The following SPSB1 variants were observed in gnomAD, a reference collection of about 807,000 sequenced individuals.
SPSB1 encodes splA/ryanodine receptor domain and SOCS box containing 1, also known as SPRY domain-containing SOCS box protein 1.
A neutral mutation model predicts 21.2 loss-of-function variants in SPSB1; 8 were observed. The observed-to-expected ratio is 0.38, with a 90% CI of 0.22 to 0.68. The LOEUF is 0.68. Among genes scored for constraint, SPSB1 ranks in the 30% least tolerant of loss-of-function variants. The pLI, the probability that SPSB1 is intolerant of heterozygous loss-of-function variation, is 0.53. For missense variants in SPSB1, 242 were observed against 377.8 expected (o/e 0.64, Z 2.98); for synonymous variants, 169 against 161.7 (o/e 1.05, Z -0.34).
At chr1:9,315,766 A>G (rs1306062720) in intron 1 of SPSB1, among the ~76,000 whole-genome samples, 2 of 152,216 alleles carry the variant, frequency 1.3e-5, no homozygotes, top group Non-Finnish European at 2.9e-5. Context: ...GAGGGACCGC[A>G]CTGCTCACAA....
chr1:9,320,652 C>T (rs930981118), intron 1 of SPSB1, among the ~76,000 whole-genome samples: 2 of 152,226 alleles, frequency 1.3e-5, no homozygotes, highest in Non-Finnish European at 2.9e-5. Flanking sequence ...TGCCCCAAAT[C>T]TCTGATCATT....
At chr1:9,339,768 C>G (rs1289141073) in intron 1 of SPSB1, among the ~76,000 whole-genome samples, 2 of 152,132 alleles carry the variant, frequency 1.3e-5, no homozygotes, top group African/African-American at 4.8e-5. Flanking sequence ...AGGGTCTGGG[C>G]AAGGGGATCG....
intron 1 of SPSB1, among the ~76,000 whole-genome samples, chr1:9,354,488 A>G (rs1253934414): frequency 3.3e-5 from 5 of 152,046 alleles, no homozygotes; most frequent in Admixed American, 2.6e-4. Flanking sequence ...GATGGCAGAA[A>G]GAAACTTCTC....
chr1:9,359,705 G>GA (rs70979734), intron 2 of SPSB1, among the ~76,000 whole-genome samples: 7,551 of 131,116 alleles, frequency 0.058, 372 homozygotes, highest in South Asian at 0.12. Flanking sequence ...CCGTCTCTGG[G>GA]AAAAAAAAAA....
chr1:9,367,380 T>C lies in SPSB1; in HGVS notation c.695-68T>C, dbSNP rs1640591238. On this transcript the variant is annotated intron_variant, in intron 2 of 2. Coordinates refer to ENST00000328089, the MANE Select transcript of SPSB1 (RefSeq NM_025106.4). The surrounding 1 kb of genome is among the most constrained non-coding windows in gnomAD (Gnocchi z 5.9). ...TACTAATCAGTGATAATATTGCTGC[T>C]GTGGTTAGCGCTGTTTGCTGAACAC... 4.4e-6 allele frequency: 7 copies of C among 1,608,802 alleles called. No individual in the cohort carries two copies. The highest frequency in any genetic ancestry group is 5.9e-6 in the Non-Finnish European group (7 of 1,178,184).
intron 1 of SPSB1, among the ~76,000 whole-genome samples, chr1:9,303,655 C>T (rs1289410387): frequency 6.6e-6 from 1 of 152,148 alleles, no homozygotes; most frequent in Non-Finnish European, 1.5e-5. Flanking sequence ...AGGACTGTAC[C>T]TCCTCTCTGG....
In SPSB1 at chr1:9,323,143, C is replaced by T. The variant is rs150470875; in HGVS notation, c.-150+30072C>T. ...TGCAGCCACCTGCCGGACATTCCTT[C>T]CTGCTGCCATGTTGGAGGGGGGTAT... On this transcript the variant is annotated intron_variant, in intron 1 of 2. Transcript: ENST00000328089. Among the ~76,000 whole-genome samples the T allele has an allele frequency of 5.8e-3, 878 of 152,362 alleles. 8 individuals carry two copies. Among genetic ancestry groups the T allele is most frequent in the African/African-American group, 0.02 (839 of 41,586 alleles).
chr1:9,325,713 T>C (rs1341713242), intron 1 of SPSB1, among the ~76,000 whole-genome samples: 2 of 152,012 alleles, frequency 1.3e-5, no homozygotes, highest in African/African-American at 4.8e-5. Context: ...TGAACGTCAT[T>C]GTGAAGTTCC....
chr1:9,302,354 C>A (rs1639343428), intron 1 of SPSB1, among the ~76,000 whole-genome samples: 1 of 152,166 alleles, frequency 6.6e-6, no homozygotes, highest in African/African-American at 2.4e-5. Flanking sequence ...CAGGGAAGCC[C>A]AGTGGTTTGA....
Position 9,346,091 on chromosome 1 carries a change from G to A in SPSB1, c.-149-9652G>A, listed in dbSNP as rs1011542448. On this transcript the variant is annotated intron_variant, in intron 1 of 2. Coordinates refer to ENST00000328089, the MANE Select transcript of SPSB1 (RefSeq NM_025106.4). The surrounding 1 kb of genome is among the most constrained non-coding windows in gnomAD (Gnocchi z 4.4). ...AGTGAGCGGGCAGAGCCCAGGCAGC[G>A]GCTGAGCCAGGCTGCAGAGATTGAT... 6.6e-6 allele frequency among the ~76,000 whole-genome samples: 1 copy of A among 152,212 alleles called. No individual in the cohort carries two copies. The highest frequency in any genetic ancestry group is 6.5e-5 in the Admixed American group (1 of 15,284).
At position 9,313,274 on chromosome 1, in the gene SPSB1, C is replaced by T. The variant is rs532849752; in HGVS notation, c.-150+20203C>T. 2.0e-5 allele frequency among the ~76,000 whole-genome samples: 3 copies of T among 152,230 alleles called. No homozygotes were observed. In the South Asian group the frequency reaches 6.2e-4, roughly 32 times the overall value. The stretch of plus-strand genomic sequence containing the variant: ...AAGTAGCCAGACGTGGTGCCGGGCA[C>T]CTATAATCCCAGCTACTTGGGAGGC... On this transcript the variant is annotated intron_variant, in intron 1 of 2. Transcript: ENST00000328089.
At chr1:9,335,865 G>A (rs1385164810) in intron 1 of SPSB1, among the ~76,000 whole-genome samples, 3 of 138,878 alleles carry the variant, frequency 2.2e-5, no homozygotes, top group Admixed American at 7.3e-5. Flanking sequence ...GTGGCTGGAC[G>A]ATGATCTTTG....
chr1:9,293,445 C>A lies in SPSB1; in HGVS notation c.-150+374C>A, dbSNP rs1213374609. On this transcript the variant is annotated intron_variant, in intron 1 of 2. Transcript: ENST00000328089. This position sits in a 1 kb window ranked among gnomAD's most constrained non-coding sequence, Gnocchi z 5.1. ...GGGCGCTCCGGGGCCGCCGACCCGT[C>A]CCCCCTTTAGCCCGGGGAAAGCGGG... 6.6e-6 allele frequency among the ~76,000 whole-genome samples: 1 copy of A among 151,588 alleles called. No homozygotes were observed. Among genetic ancestry groups the A allele is most frequent in the Non-Finnish European group, 1.5e-5 (1 of 67,792 alleles).
chr1:9,360,920 G>T (rs1640460988), intron 2 of SPSB1, among the ~76,000 whole-genome samples: 1 of 152,202 alleles, frequency 6.6e-6, no homozygotes, highest in South Asian at 2.1e-4. Context: ...GCTGCCACCT[G>T]TGGGGGGTGA....
At chr1:9,335,411 A>C (rs1639988965) in intron 1 of SPSB1, among the ~76,000 whole-genome samples, 1 of 151,948 alleles carries the variant, frequency 6.6e-6, no homozygotes, top group Non-Finnish European at 1.5e-5. Flanking sequence ...CTTAGACAGG[A>C]GAATCACTTG....
At chr1:9,298,365 C>A (rs1041179777) in intron 1 of SPSB1, among the ~76,000 whole-genome samples, 3 of 151,526 alleles carry the variant, frequency 2.0e-5, no homozygotes, top group Non-Finnish European at 4.4e-5. Flanking sequence ...CACAACTAAG[C>A]CCCCATGAAT....
chr1:9,340,001 C>G lies in SPSB1; in HGVS notation c.-149-15742C>G, dbSNP rs1569626426. 3.9e-5 allele frequency among the ~76,000 whole-genome samples: 6 copies of G among 152,120 alleles called. No individual in the cohort carries two copies. The South Asian group carries it at 1.2e-3, about 32-fold the overall frequency. ...CTCGGGAGGACCCCCACCGACAGCC[C>G]TGAACCACCTGGGCATGCAGGTCAC... On this transcript the variant is annotated intron_variant, in intron 1 of 2. Coordinates refer to ENST00000328089, the MANE Select transcript of SPSB1 (RefSeq NM_025106.4).
At chr1:9,296,774 CCTTT>C (rs1639233191) in intron 1 of SPSB1, among the ~76,000 whole-genome samples, 1 of 152,212 alleles carries the variant, frequency 6.6e-6, no homozygotes, top group Non-Finnish European at 1.5e-5. Context: ...AGATGTACGT[CCTTT>C]CTGACTTGGG....
chr1:9,321,591 T>G lies in SPSB1; in HGVS notation c.-150+28520T>G, dbSNP rs1639723100. On this transcript the variant is annotated intron_variant, in intron 1 of 2. Transcript: ENST00000328089. This position sits in a 1 kb window ranked among gnomAD's most constrained non-coding sequence, Gnocchi z 4.8. ...TGAGTCAGTGAGGGAGACCGATGCATAGGCAGCTCGCTAATGCTGTGTTTC... is the reference window on the plus strand; with the variant it reads ...TGAGTCAGTGAGGGAGACCGATGCAGAGGCAGCTCGCTAATGCTGTGTTTC... 6.6e-6 allele frequency among the ~76,000 whole-genome samples: 1 copy of G among 152,022 alleles called. No individual in the cohort carries two copies. The highest frequency in any genetic ancestry group is 1.5e-5 in the Non-Finnish European group (1 of 68,014).
Sources: gnomAD v4.1 joint callset for allele counts (sites outside exome capture counted in the v4.1 genomes callset) on GRCh38, gnomAD v4.1.1 for gene constraint, Gnocchi (gnomAD v3.1) non-coding constraint, MANE v1.5 for transcripts, NCBI Gene and HGNC (gene_info 2026-07-23, HGNC 2026-07-21) for gene names.